CREB5: variants seen among roughly 807,000 people sequenced by gnomAD.
CREB5 encodes the protein cAMP responsive element binding protein 5.
CREB5 carries 19 observed loss-of-function variants against 57.1 expected under a neutral mutation model. The ratio of observed to expected loss-of-function variants is 0.33; its 90% CI spans 0.23 to 0.49. The LOEUF (loss-of-function observed/expected upper bound fraction) is 0.49, where lower values mean the gene tolerates loss of function less well. CREB5 is among the 20% of genes least tolerant of loss of function. CREB5 has a pLI of 0.99. For synonymous variants in CREB5, 238 were observed against 238.3 expected (o/e 1.00, Z 0.01); for missense variants, 579 against 671.6 (o/e 0.86, Z 1.52).
intron 6 of CREB5, among the ~76,000 whole-genome samples, chr7:28,721,435 C>T (rs749919471): frequency 5.3e-5 from 8 of 152,274 alleles, no homozygotes; most frequent in African/African-American, 1.7e-4. Flanking sequence ...TCTTCCTTAT[C>T]GTGTCACCAG....
At chr7:28,607,341 G>A (rs962137207) in intron 5 of CREB5, among the ~76,000 whole-genome samples, 2 of 152,140 alleles carry the variant, frequency 1.3e-5, no homozygotes, top group Non-Finnish European at 1.5e-5. Flanking sequence ...GAAGAGGAAA[G>A]CTGTTGCACA....
chr7:28,437,745 A>C (rs1270516434), intron 1 of CREB5, among the ~76,000 whole-genome samples: 1 of 152,102 alleles, frequency 6.6e-6, no homozygotes, highest in Non-Finnish European at 1.5e-5. Context: ...ATTGTTACCA[A>C]CTCTATTTAA....
chr7:28,564,273 T>C (rs1795396735), intron 4 of CREB5, among the ~76,000 whole-genome samples: 1 of 152,196 alleles, frequency 6.6e-6, no homozygotes, highest in Non-Finnish European at 1.5e-5. Context: ...CTCTACACAG[T>C]GGCAGTTGGA....
At position 28,358,637 on chromosome 7, in the gene CREB5, T is replaced by G. The variant is rs141457923; in HGVS notation, c.-25+59196T>G. Among the ~76,000 whole-genome samples, 291 of 152,350 alleles carry G rather than the reference T, an allele frequency of 1.9e-3. 3 individuals carry two copies. Among genetic ancestry groups the G allele is most frequent in the Middle Eastern group, 6.8e-3 (2 of 294 alleles). On this transcript the variant is annotated intron_variant, in intron 1 of 9. Coordinates refer to the CREB5 transcript ENST00000396299. ...TCGAAGTCTTTCTTTCCCCAGCATC[T>G]GCAGCCGTCCTGCCTGGGGCCATGA...
intron 5 of CREB5, among the ~76,000 whole-genome samples, chr7:28,691,530 A>AT (rs1305360530): frequency 5.9e-5 from 9 of 151,726 alleles, no homozygotes; most frequent in Non-Finnish European, 1.0e-4. Flanking sequence ...TCTCACATAT[A>AT]TTTTCTAGTG....
chr7:28,701,592 T>A (rs1162440840), intron 5 of CREB5, among the ~76,000 whole-genome samples: 1 of 152,194 alleles, frequency 6.6e-6, no homozygotes, highest in Non-Finnish European at 1.5e-5. Context: ...CAACTCAAAC[T>A]AGGGGTATAT....
At chr7:28,808,688 G>A (rs923489872) in intron 8 of CREB5, among the ~76,000 whole-genome samples, 12 of 146,228 alleles carry the variant, frequency 8.2e-5, no homozygotes, top group South Asian at 2.2e-4. Context: ...ACAGGCATGC[G>A]CCACCATGCC....
chr7:28,471,806 G>C (rs966962218), intron 1 of CREB5, among the ~76,000 whole-genome samples: 1 of 151,708 alleles, frequency 6.6e-6, no homozygotes, highest in African/African-American at 2.4e-5. Context: ...ATCTTGAACA[G>C]AGCCAATCAA....
At chr7:28,419,429 GTC>G (rs1788149962) in intron 1 of CREB5, among the ~76,000 whole-genome samples, 1 of 152,358 alleles carries the variant, frequency 6.6e-6, no homozygotes, top group Middle Eastern at 3.4e-3. Flanking sequence ...GCCATTTGCA[GTC>G]TCTGTCTGCA....
intron 7 of CREB5, among the ~76,000 whole-genome samples, chr7:28,754,014 T>A (rs1805135951): frequency 2.0e-5 from 3 of 151,632 alleles, no homozygotes; most frequent in Admixed American, 6.6e-5. Context: ...CTCAACCTCA[T>A]CAAATTACAG....
chr7:28,756,933 G>T (rs1340889334), intron 7 of CREB5, among the ~76,000 whole-genome samples: 1 of 152,156 alleles, frequency 6.6e-6, no homozygotes, highest in East Asian at 1.9e-4. Context: ...GATTGGTTCA[G>T]GCGCTCACAT....
At chr7:28,593,611 A>AT (rs772482064) in intron 5 of CREB5, among the ~76,000 whole-genome samples, 9 of 152,232 alleles carry the variant, frequency 5.9e-5, no homozygotes, top group Non-Finnish European at 1.3e-4. Context: ...TGCTCCATCC[A>AT]TAAGTGGAGA....
intron 1 of CREB5, among the ~76,000 whole-genome samples, chr7:28,399,049 T>C (rs1001858557): frequency 2.0e-5 from 3 of 152,170 alleles, no homozygotes; most frequent in Non-Finnish European, 4.4e-5. Flanking sequence ...TGTTCTATTA[T>C]ACATACCTAT....
Position 28,641,542 on chromosome 7 carries a change from G to A in CREB5, c.464+71005G>A, listed in dbSNP as rs537619960. On this transcript the variant is annotated intron_variant, in intron 5 of 10. Coordinates refer to ENST00000357727, the MANE Select transcript of CREB5 (RefSeq NM_182898.4). ...TATACTTGTTCCACTCTGCCGAAGC[G>A]TACCCTCCTTCGGGCATGGCAGATG... Among the ~76,000 whole-genome samples the A allele has an allele frequency of 2.2e-4, 33 of 152,190 alleles. 1 individual carries two copies. The highest frequency in any genetic ancestry group is 3.4e-3 in the Middle Eastern group (1 of 294).
rs1191815973 is a variant in CREB5, at chr7:28,660,436, T to C, written c.465-58317T>C. 2.0e-5 allele frequency among the ~76,000 whole-genome samples: 3 copies of C among 150,626 alleles called. 1 individual carries two copies. Among genetic ancestry groups the C allele is most frequent in the Non-Finnish European group, 1.5e-5 (1 of 67,762 alleles). On this transcript the variant is annotated intron_variant, in intron 5 of 10. Coordinates refer to ENST00000357727, the MANE Select transcript of CREB5 (RefSeq NM_182898.4). Reference sequence around the variant, plus strand: ...CTATGAGTTAGGCATTCTGTTATTCTGAAGAGATACAACGGTAAGCAAAAG... The same window carrying C: ...CTATGAGTTAGGCATTCTGTTATTCCGAAGAGATACAACGGTAAGCAAAAG...
intron 4 of CREB5, among the ~76,000 whole-genome samples, chr7:28,519,771 TTAA>T (rs991290574): frequency 2.0e-5 from 3 of 152,262 alleles, no homozygotes; most frequent in African/African-American, 4.8e-5. Flanking sequence ...AAAACATCTG[TTAA>T]TAACACTGAC....
chr7:28,762,275 G>A (rs1805704686), intron 7 of CREB5, among the ~76,000 whole-genome samples: 1 of 152,146 alleles, frequency 6.6e-6, no homozygotes, highest in South Asian at 2.1e-4. Flanking sequence ...TTTACAGAAA[G>A]AAATTTTGTA....
intron 1 of CREB5, among the ~76,000 whole-genome samples, chr7:28,396,426 C>G (rs1372866465): frequency 6.6e-6 from 1 of 152,080 alleles, no homozygotes; most frequent in African/African-American, 2.4e-5. Flanking sequence ...AAATATACAA[C>G]TAGCTGGTAT....
At chr7:28,348,201 G>GA (rs1423488909) in intron 1 of CREB5, among the ~76,000 whole-genome samples, 4 of 152,140 alleles carry the variant, frequency 2.6e-5, no homozygotes, top group African/African-American at 9.7e-5. Context: ...GCAGAAGGAG[G>GA]TCATGGCAAT....
Sources: gnomAD v4.1 joint callset for allele counts (sites outside exome capture counted in the v4.1 genomes callset) on GRCh38, gnomAD v4.1.1 for gene constraint, MANE v1.5 for transcripts, NCBI Gene and HGNC (gene_info 2026-07-23, HGNC 2026-07-21) for gene names.